Variants in CTNNBIP1 observed in about 807,000 individuals in gnomAD.
CTNNBIP1 encodes the protein catenin beta interacting protein 1, also known as beta-catenin-interacting protein 1.
In CTNNBIP1, 7 loss-of-function variants were observed where a neutral mutation model predicts 11.8. The observed-to-expected ratio is 0.60, with a 90% confidence interval of 0.34 to 1.12. The LOEUF is 1.12. CTNNBIP1 is among the 50% of genes most tolerant of loss of function. The probability of loss-of-function intolerance (pLI) is 0.03; values close to 1 mark genes in which losing one functional copy is unlikely to be tolerated. For missense variants in CTNNBIP1, 101 were observed against 113.4 expected (o/e 0.89, Z 0.50); for synonymous variants, 58 against 43.9 (o/e 1.32, Z -1.26).
At chr1:9,870,030 G>A (rs1311710824) in intron 5 of CTNNBIP1, among the ~76,000 whole-genome samples, 1 of 152,236 alleles carries the variant, frequency 6.6e-6, no homozygotes, top group Non-Finnish European at 1.5e-5. Context: ...GCCACTGCCT[G>A]GAAGGTTTCT....
chr1:9,905,082 C>T (rs1438733696), intron 1 of CTNNBIP1, among the ~76,000 whole-genome samples: 1 of 152,170 alleles, frequency 6.6e-6, no homozygotes, highest in African/African-American at 2.4e-5. Context: ...AGCCGCTCTT[C>T]GTAATGTCCT....
At chr1:9,907,741 A>G (rs955787329) in intron 1 of CTNNBIP1, among the ~76,000 whole-genome samples, 14 of 152,126 alleles carry the variant, frequency 9.2e-5, no homozygotes, top group African/African-American at 3.4e-4. Context: ...TCAGTCTCCA[A>G]AGTTTTGCTT....
chr1:9,897,002 C>A (rs533563761), intron 1 of CTNNBIP1, among the ~76,000 whole-genome samples: 10 of 151,710 alleles, frequency 6.6e-5, no homozygotes, highest in African/African-American at 1.5e-4. Context: ...ATTAGCCGGG[C>A]ATGGTGGCGC....
intron 1 of CTNNBIP1, among the ~76,000 whole-genome samples, chr1:9,902,913 G>A (rs763868231): frequency 1.3e-5 from 2 of 152,008 alleles, no homozygotes; most frequent in African/African-American, 4.8e-5. Context: ...CTACAGGTGC[G>A]TACCACCACG....
chr1:9,889,838 T>G (rs1639264904), intron 1 of CTNNBIP1, among the ~76,000 whole-genome samples: 1 of 152,212 alleles, frequency 6.6e-6, no homozygotes, highest in East Asian at 1.9e-4. Context: ...GAGTGATATA[T>G]TTTTTTCCCA....
intron 1 of CTNNBIP1, among the ~76,000 whole-genome samples, chr1:9,898,336 C>T (rs960157711): frequency 2.0e-5 from 3 of 151,828 alleles, no homozygotes; most frequent in Non-Finnish European, 4.4e-5. Context: ...CCATCCTGGC[C>T]AACGTGGTGA....
intron 1 of CTNNBIP1, among the ~76,000 whole-genome samples, chr1:9,902,520 C>T (rs559248867): frequency 5.3e-5 from 8 of 152,238 alleles, no homozygotes; most frequent in Non-Finnish European, 1.0e-4. Context: ...TTACAGGACA[C>T]GGAAGGGCTC....
At chr1:9,864,541 G>T (rs1469276697) in intron 5 of CTNNBIP1, among the ~76,000 whole-genome samples, 4 of 152,170 alleles carry the variant, frequency 2.6e-5, no homozygotes, top group African/African-American at 9.6e-5. Flanking sequence ...TGTTAGCCAG[G>T]ATGGTCTCAA....
intron 1 of CTNNBIP1, among the ~76,000 whole-genome samples, chr1:9,885,936 G>GAA (rs775586815): frequency 7.4e-5 from 9 of 121,280 alleles, no homozygotes; most frequent in Admixed American, 1.7e-4. Context: ...CCATCTTGAG[G>GAA]AAAAAAAAAA....
chr1:9,852,975 GCT>G (rs1638423810), intron 5 of CTNNBIP1, among the ~76,000 whole-genome samples: 1 of 152,180 alleles, frequency 6.6e-6, no homozygotes, highest in African/African-American at 2.4e-5. Context: ...CCTGTCCTGC[GCT>G]CTGAGGGTGG....
intron 1 of CTNNBIP1, among the ~76,000 whole-genome samples, chr1:9,897,624 C>G (rs1639437809): frequency 2.0e-5 from 3 of 151,916 alleles, no homozygotes; most frequent in African/African-American, 7.2e-5. Flanking sequence ...TGCACTCCAG[C>G]CTGGGCGACA....
At chr1:9,888,572 T>C (rs923944233) in intron 1 of CTNNBIP1, among the ~76,000 whole-genome samples, 2 of 149,302 alleles carry the variant, frequency 1.3e-5, no homozygotes, top group African/African-American at 2.5e-5. Flanking sequence ...AATTAAGAAA[T>C]GGTAATGTAA....
At chr1:9,892,194 G>A (rs937068968) in intron 1 of CTNNBIP1, among the ~76,000 whole-genome samples, 3 of 151,736 alleles carry the variant, frequency 2.0e-5, no homozygotes, top group African/African-American at 4.8e-5. Context: ...AAGCTGAGGC[G>A]GGCGGATCAT....
At chr1:9,870,951 A>G (rs1393454451) in intron 5 of CTNNBIP1, among the ~76,000 whole-genome samples, 2 of 152,050 alleles carry the variant, frequency 1.3e-5, no homozygotes, top group African/African-American at 2.4e-5. Flanking sequence ...GGATCCTGCC[A>G]TTTGTCTTGT....
intron 1 of CTNNBIP1, among the ~76,000 whole-genome samples, chr1:9,902,458 C>T (rs1032786390): frequency 6.6e-6 from 1 of 152,176 alleles, no homozygotes; most frequent in Non-Finnish European, 1.5e-5. Context: ...CTAACCATGG[C>T]TCCTGAGGTG....
chr1:9,908,396 C>T (rs1277744038), intron 1 of CTNNBIP1, among the ~76,000 whole-genome samples: 2 of 109,904 alleles, frequency 1.8e-5, no homozygotes, highest in Non-Finnish European at 3.5e-5. Context: ...TTTTTTGAGA[C>T]GGAGTCTCGC....
Position 9,850,778 on chromosome 1 carries a change from T to C in CTNNBIP1, c.188-2A>G, listed in dbSNP as rs761220092. The stretch of plus-strand genomic sequence containing the variant: ...ACGCCATCACCACGTCCTCTGCACC[T>C]GCAGATAAGGCGACAAGGATCGCTG... On this transcript the variant is annotated splice_acceptor_variant, in intron 5 of 5. Coordinates refer to ENST00000377263, the MANE Select transcript of CTNNBIP1 (RefSeq NM_020248.3). LOFTEE classifies it high-confidence loss of function. 2 of 1,613,792 alleles carry C rather than the reference T, an allele frequency of 1.2e-6. No homozygotes were observed. The highest frequency in any genetic ancestry group is 1.7e-6 in the Non-Finnish European group (2 of 1,179,786).
chr1:9,872,003 C>A lies in CTNNBIP1; in HGVS notation c.62G>T (p.Arg21Leu), dbSNP rs761438511. Reference sequence around the variant, plus strand: ...CATCTTCCGCAGCATGAGCAGCACTCGGACCTTCTGCTGAATGTACATCTC... The same window carrying A: ...CATCTTCCGCAGCATGAGCAGCACTAGGACCTTCTGCTGAATGTACATCTC... The part of the protein sequence containing the change: ...PEEMYIQQKV[R>L]VLLMLRKMGS... Residue 21 changes from arginine (R) to leucine (L), a missense_variant, in exon 4 of 6, where the codon CGA (arginine) becomes CTA (leucine). Transcript: ENST00000377263. The surrounding 1 kb of genome is among the most constrained non-coding windows in gnomAD (Gnocchi z 4.0). 6.2e-7 allele frequency: 1 copy of A among 1,614,174 alleles called. No homozygotes were observed. Among genetic ancestry groups the A allele is most frequent in the Admixed American group, 1.7e-5 (1 of 60,026 alleles).
At chr1:9,904,913 T>G (rs527408766) in intron 1 of CTNNBIP1, among the ~76,000 whole-genome samples, 2 of 152,120 alleles carry the variant, frequency 1.3e-5, no homozygotes. Context: ...CTCAATAAAA[T>G]GCAGGACACA....
Sources: gnomAD v4.1 joint callset for allele counts (sites outside exome capture counted in the v4.1 genomes callset) on GRCh38, gnomAD v4.1.1 for gene constraint, Gnocchi (gnomAD v3.1) non-coding constraint, MANE v1.5 for transcripts, NCBI Gene and HGNC (gene_info 2026-07-23, HGNC 2026-07-21) for gene names.